The following ARL15 variants were observed in gnomAD, a reference collection of about 807,000 sequenced individuals.
ARL15 encodes the protein ARF like GTPase 15, also known as ADP-ribosylation factor-like protein 15.
A neutral mutation model predicts 25.2 loss-of-function variants in ARL15; 19 were observed. That is an observed-to-expected ratio of 0.75 (90% CI 0.53 to 1.10). ARL15 has a LOEUF of 1.10. Among genes scored for constraint, ARL15 ranks in the 50% least tolerant of loss-of-function variants. The pLI, the probability that ARL15 is intolerant of heterozygous loss-of-function variation, is 0.00. For synonymous variants in ARL15, 94 were observed against 86.8 expected, an observed-to-expected ratio of 1.08 and a Z score of -0.46; for missense variants, 220 against 246.0, an observed-to-expected ratio of 0.89 and a Z score of 0.71.
chr5:53,989,819 T>C (rs1748423424), intron 4 of ARL15, among the ~76,000 whole-genome samples: 1 of 152,170 alleles, frequency 6.6e-6, no homozygotes, highest in Non-Finnish European at 1.5e-5. Flanking sequence ...TTATAAAGAA[T>C]TTTGATATGC....
intron 1 of ARL15, among the ~76,000 whole-genome samples, chr5:54,284,951 A>G (rs1163399785): frequency 6.6e-6 from 1 of 152,230 alleles, no homozygotes; most frequent in Non-Finnish European, 1.5e-5. Flanking sequence ...AATAAATTTT[A>G]AATAATTATA....
chr5:54,130,489 A>C (rs1439257980), intron 3 of ARL15, among the ~76,000 whole-genome samples: 5 of 152,222 alleles, frequency 3.3e-5, no homozygotes, highest in African/African-American at 1.2e-4. Context: ...TAGCTCTTTC[A>C]GATTTAAAAG....
chr5:54,206,490 G>T (rs1755871903), intron 1 of ARL15, among the ~76,000 whole-genome samples: 1 of 152,178 alleles, frequency 6.6e-6, no homozygotes, highest in South Asian at 2.1e-4. Flanking sequence ...TTACCAGATT[G>T]TATACCGTTA....
At chr5:54,034,071 C>G (rs1158116978) in intron 4 of ARL15, among the ~76,000 whole-genome samples, 1 of 152,192 alleles carries the variant, frequency 6.6e-6, no homozygotes, top group Non-Finnish European at 1.5e-5. Flanking sequence ...CCTTGGCCTC[C>G]CAAAGTGCTG....
At chr5:54,018,398 TAAATTCTTATAAGGAACATACA>T (rs1749492037) in intron 4 of ARL15, among the ~76,000 whole-genome samples, 1 of 152,180 alleles carries the variant, frequency 6.6e-6, no homozygotes, top group Non-Finnish European at 1.5e-5. Flanking sequence ...GAACCATAAG[TAAATTCTTATAAGGAACATACA>T]AAAAAGATTG....
intron 3 of ARL15, among the ~76,000 whole-genome samples, chr5:54,129,476 C>T (rs1172200213): frequency 6.6e-6 from 1 of 151,962 alleles, no homozygotes; most frequent in Non-Finnish European, 1.5e-5. Flanking sequence ...GAGATAGCTA[C>T]AACAGAGACT....
chr5:54,077,666 T>C (rs145928359), intron 4 of ARL15, among the ~76,000 whole-genome samples: 5 of 152,100 alleles, frequency 3.3e-5, no homozygotes, highest in Admixed American at 2.6e-4. Context: ...AAATCTGGAG[T>C]GTGTACAACA....
chr5:54,245,474 G>T (rs758505141), intron 1 of ARL15, among the ~76,000 whole-genome samples: 9 of 152,196 alleles, frequency 5.9e-5, no homozygotes, highest in Non-Finnish European at 1.2e-4. Context: ...GAAGCTTGGT[G>T]ATCTGGACTC....
intron 1 of ARL15, among the ~76,000 whole-genome samples, chr5:54,269,856 A>T (rs1757735122): frequency 6.6e-6 from 1 of 152,164 alleles, no homozygotes; most frequent in Non-Finnish European, 1.5e-5. Flanking sequence ...TATGTTGGCC[A>T]GGCTGGTCTC....
chr5:54,152,473 C>T (rs1256627198), intron 3 of ARL15, among the ~76,000 whole-genome samples: 1 of 152,244 alleles, frequency 6.6e-6, no homozygotes, highest in African/African-American at 2.4e-5. Flanking sequence ...TGCTTGCCCC[C>T]GAGCATGTGA....
intron 1 of ARL15, among the ~76,000 whole-genome samples, chr5:54,268,540 G>T (rs182128929): frequency 6.6e-6 from 1 of 152,156 alleles, no homozygotes; most frequent in African/African-American, 2.4e-5. Context: ...GAGGAGAGGC[G>T]CTCTGCTTTT....
intron 3 of ARL15, among the ~76,000 whole-genome samples, chr5:54,123,560 C>A (rs1488621647): frequency 6.6e-6 from 1 of 152,164 alleles, no homozygotes; most frequent in Non-Finnish European, 1.5e-5. Context: ...CATGATCATC[C>A]TATTTCAGAC....
intron 1 of ARL15, among the ~76,000 whole-genome samples, chr5:54,189,628 T>TA (rs1306601158): frequency 6.6e-6 from 1 of 152,142 alleles, no homozygotes; most frequent in Non-Finnish European, 1.5e-5. Flanking sequence ...CCTAATGCCA[T>TA]ATACAAAAGT....
chr5:54,131,768 T>C (rs548020938), intron 3 of ARL15, among the ~76,000 whole-genome samples: 1 of 152,268 alleles, frequency 6.6e-6, no homozygotes, highest in East Asian at 1.9e-4. Flanking sequence ...TACTGAGTAT[T>C]GTTTTTAAAA....
rs775031344 is a variant in ARL15 at position 54,080,010 on chromosome 5, C to CACACACACACACATAT, written c.462+33191_462+33192insATATGTGTGTGTGTGT. On this transcript the variant is annotated intron_variant, in intron 4 of 4. Transcript: ENST00000504924. Reference sequence around the variant, plus strand: ...ACACACACACACACACACACACACACACACACAGACACAGATGTATATTAA... The same window carrying CACACACACACACATAT: ...ACACACACACACACACACACACACACACACACACACACATATACACACAGACACAGATGTATATTAA... 2.5e-4 allele frequency among the ~76,000 whole-genome samples: 36 copies of CACACACACACACATAT among 144,784 alleles called. 1 individual carries two copies. The highest frequency in any genetic ancestry group is 3.5e-3 in the Middle Eastern group (1 of 286). The allele number at this position is 144,784 out of a possible 152,430, so 95.0% of individuals were successfully genotyped here.
At chr5:54,163,224 C>T (rs1754460281) in intron 2 of ARL15, among the ~76,000 whole-genome samples, 1 of 152,020 alleles carries the variant, frequency 6.6e-6, no homozygotes, top group Admixed American at 6.6e-5. Context: ...GTGCAACCAA[C>T]TCTGCATTCC....
At chr5:54,211,695 CTCCT>C (rs1756047245) in intron 1 of ARL15, among the ~76,000 whole-genome samples, 1 of 152,104 alleles carries the variant, frequency 6.6e-6, no homozygotes, top group Non-Finnish European at 1.5e-5. Context: ...TGGTCTTGAA[CTCCT>C]GACCTCAGGT....
In ARL15 at chr5:54,148,161, T is replaced by C. The variant is rs76156807; in HGVS notation, c.253+6419A>G. Among the ~76,000 whole-genome samples the C allele has an allele frequency of 1.9e-3, 286 of 152,246 alleles. 2 individuals carry two copies. The highest frequency in any genetic ancestry group is 8.2e-3 in the Admixed American group (125 of 15,302). The stretch of plus-strand genomic sequence containing the variant: ...TACAAAAGACAGAAACTAAAAGAAA[T>C]AGGCAGCAGTGCCCCCTGGGTTGCC... On this transcript the variant is annotated intron_variant, in intron 3 of 4. Transcript: ENST00000504924.
At chr5:54,237,388 T>C (rs1375815937) in intron 1 of ARL15, among the ~76,000 whole-genome samples, 1 of 152,168 alleles carries the variant, frequency 6.6e-6, no homozygotes, top group Non-Finnish European at 1.5e-5. Context: ...AGCATGAGAA[T>C]GGACTAATAC....
Sources: gnomAD v4.1 joint callset for allele counts (sites outside exome capture counted in the v4.1 genomes callset) on GRCh38, gnomAD v4.1.1 for gene constraint, MANE v1.5 for transcripts, NCBI Gene and HGNC (gene_info 2026-07-23, HGNC 2026-07-21) for gene names.